The following PRKD1 variants were observed in gnomAD, a reference collection of about 807,000 sequenced individuals.
The protein encoded by PRKD1 is serine/threonine-protein kinase D1.
A neutral mutation model predicts 95.9 loss-of-function variants in PRKD1; 63 were observed. That is an observed-to-expected ratio of 0.66 (90% confidence interval 0.54 to 0.81). The LOEUF is 0.81. PRKD1 is among the 30% of genes least tolerant of loss of function. PRKD1 has a pLI of 0.00. For missense variants in PRKD1, 1,048 were observed against 1,165.3 expected, an observed-to-expected ratio of 0.90 and a Z score of 1.47; for synonymous variants, 425 against 423.1, an observed-to-expected ratio of 1.00 and a Z score of -0.05.
rs962885250 is a variant in PRKD1, at chr14:29,615,927, C to T, written c.1905+8225G>A. Among the ~76,000 whole-genome samples, 38 of 151,932 alleles carry T rather than the reference C, an allele frequency of 2.5e-4. 1 individual carries two copies. Among genetic ancestry groups the T allele is most frequent in the Admixed American group, 2.1e-3 (32 of 15,262 alleles). Reference sequence around the variant, plus strand: ...TGTTTGGCTTTAGGCTGATTGGTTTCGGGTGAGGGCAGTACAGCAAAGTGG... The same window carrying T: ...TGTTTGGCTTTAGGCTGATTGGTTTTGGGTGAGGGCAGTACAGCAAAGTGG... On this transcript the variant is annotated intron_variant, in intron 13 of 17. Coordinates refer to ENST00000331968, the MANE Select transcript of PRKD1 (RefSeq NM_002742.3).
intron 2 of PRKD1, among the ~76,000 whole-genome samples, chr14:29,678,333 A>T (rs186447632): frequency 7.9e-5 from 12 of 152,318 alleles, no homozygotes; most frequent in Admixed American, 2.0e-4. Flanking sequence ...AAGCCTAGTG[A>T]ATACTAAATG....
Position 29,693,641 on chromosome 14 carries a change from A to C in PRKD1, c.404-27433T>G, listed in dbSNP as rs1884358780. Among the ~76,000 whole-genome samples, 5 of 107,128 alleles carry C rather than the reference A, an allele frequency of 4.7e-5. No individual in the cohort carries two copies. In the South Asian group the frequency reaches 1.6e-3, roughly 34 times the overall value. The allele number at this position is 107,128 out of a possible 152,430, so 70.3% of individuals were successfully genotyped here. ...ATGACCTCAGTCAAAAAAAAAAAAA[A>C]CAACAACAACAAAAAAAAAAAACCA... On this transcript the variant is annotated intron_variant, in intron 2 of 17. Transcript: ENST00000331968.
chr14:29,760,493 C>T (rs1221806304), intron 1 of PRKD1, among the ~76,000 whole-genome samples: 1 of 151,642 alleles, frequency 6.6e-6, no homozygotes, highest in East Asian at 1.9e-4. Flanking sequence ...GTAGCTGGGA[C>T]TACAGGTTTG....
At chr14:29,857,189 T>G (rs1468172761) in intron 1 of PRKD1, among the ~76,000 whole-genome samples, 1 of 152,110 alleles carries the variant, frequency 6.6e-6, no homozygotes, top group Non-Finnish European at 1.5e-5. Context: ...TCAGAAAACA[T>G]AGTCATTAAT....
At chr14:29,599,567 T>G (rs1893437653) in intron 14 of PRKD1, 89 bp downstream of exon 14, 1 of 1,313,530 alleles carries the variant, frequency 7.6e-7, no homozygotes, top group African/African-American at 1.5e-5. Context: ...AGGTAGGGAC[T>G]AAACAACAAG....
chr14:29,820,209 C>T (rs1048488158), intron 1 of PRKD1, among the ~76,000 whole-genome samples: 1 of 152,140 alleles, frequency 6.6e-6, no homozygotes, highest in African/African-American at 2.4e-5. Context: ...TGGCTACTAC[C>T]CGGGTGGTCT....
intron 1 of PRKD1, among the ~76,000 whole-genome samples, chr14:29,792,765 T>C (rs975550441): frequency 1.3e-5 from 2 of 152,104 alleles, no homozygotes; most frequent in African/African-American, 4.8e-5. Context: ...TACCTGGGCA[T>C]AGCAATACTT....
rs45474298 is a variant in PRKD1, at chr14:29,624,700, C to T, written c.1799-442G>A. Among the ~76,000 whole-genome samples, 758 of 152,116 alleles carry T rather than the reference C, an allele frequency of 5.0e-3. 13 individuals carry two copies. Among genetic ancestry groups the T allele is most frequent in the African/African-American group, 0.017 (703 of 41,504 alleles). ...CACTTATTAGCTCTGTGATCTTGAG[C>T]AAATCACTCACTCTTTCTGAATTTT... On this transcript the variant is annotated intron_variant, in intron 12 of 17. Coordinates refer to ENST00000331968, the MANE Select transcript of PRKD1 (RefSeq NM_002742.3).
intron 1 of PRKD1, among the ~76,000 whole-genome samples, chr14:29,739,053 C>CTTA (rs1886870844): frequency 6.6e-6 from 1 of 152,060 alleles, no homozygotes; most frequent in African/African-American, 2.4e-5. Flanking sequence ...CCAGGCTGAT[C>CTTA]TTAAACTCCT....
intron 4 of PRKD1, among the ~76,000 whole-genome samples, chr14:29,649,380 T>C (rs1881345766): frequency 6.6e-6 from 1 of 152,130 alleles, no homozygotes; most frequent in Non-Finnish European, 1.5e-5. Context: ...TGTCTCTGTG[T>C]TTGCTGATGA....
chr14:29,872,694 A>G (rs1893155135), intron 1 of PRKD1, among the ~76,000 whole-genome samples: 1 of 152,056 alleles, frequency 6.6e-6, no homozygotes, highest in East Asian at 1.9e-4. Flanking sequence ...CTCCACACCA[A>G]ATATATCCCT....
intron 1 of PRKD1, among the ~76,000 whole-genome samples, chr14:29,894,842 C>A (rs577152971): frequency 1.2e-4 from 19 of 152,274 alleles, no homozygotes; most frequent in South Asian, 6.2e-4. Context: ...CAGAAGCAAG[C>A]TTTATTGAGC....
intron 1 of PRKD1, among the ~76,000 whole-genome samples, chr14:29,792,468 A>C (rs1321650463): frequency 6.6e-6 from 1 of 152,106 alleles, no homozygotes; most frequent in African/African-American, 2.4e-5. Flanking sequence ...AACTTGTCTC[A>C]AATGTTGTTA....
At chr14:29,846,427 A>G (rs1892080483) in intron 1 of PRKD1, among the ~76,000 whole-genome samples, 1 of 152,202 alleles carries the variant, frequency 6.6e-6, no homozygotes. Flanking sequence ...ATGAATATCC[A>G]GGAGAAGGCC....
At chr14:29,899,837 G>T (rs1051061159) in intron 1 of PRKD1, among the ~76,000 whole-genome samples, 5 of 152,138 alleles carry the variant, frequency 3.3e-5, no homozygotes, top group African/African-American at 1.2e-4. Context: ...ACTGTAATCC[G>T]AATTGTAATC....
At chr14:29,860,037 T>G (rs2139356932) in intron 1 of PRKD1, among the ~76,000 whole-genome samples, 1 of 152,368 alleles carries the variant, frequency 6.6e-6, no homozygotes, top group Middle Eastern at 3.4e-3. Context: ...CTAGTCAAAT[T>G]AACTCTTCAT....
chr14:29,642,056 A>G (rs1361210379), intron 4 of PRKD1, among the ~76,000 whole-genome samples: 4 of 151,902 alleles, frequency 2.6e-5, no homozygotes, highest in African/African-American at 9.7e-5. Context: ...GGCATGTGCC[A>G]CCACGCCCGG....
chr14:29,874,028 A>G lies in PRKD1; in HGVS notation c.264+53221T>C, dbSNP rs1472497815. 2.0e-5 allele frequency among the ~76,000 whole-genome samples: 3 copies of G among 152,304 alleles called. No individual in the cohort carries two copies. In the East Asian group the frequency reaches 5.8e-4, roughly 29 times the overall value. ...TGAAAATTTATTTGCTAGAGTTCTA[A>G]CATTCTTCACAAATATGACTGGCTA... On this transcript the variant is annotated intron_variant, in intron 1 of 17. Coordinates refer to ENST00000331968, the MANE Select transcript of PRKD1 (RefSeq NM_002742.3).
At chr14:29,870,446 T>C (rs1251622673) in intron 1 of PRKD1, among the ~76,000 whole-genome samples, 2 of 152,226 alleles carry the variant, frequency 1.3e-5, no homozygotes, top group African/African-American at 4.8e-5. Context: ...GGTAATTTTC[T>C]GTACACTTTT....
Sources: gnomAD v4.1 joint callset for allele counts (sites outside exome capture counted in the v4.1 genomes callset) on GRCh38, gnomAD v4.1.1 for gene constraint, MANE v1.5 for transcripts, NCBI Gene and HGNC (gene_info 2026-07-23, HGNC 2026-07-21) for gene names.